The following CSMD1 variants were observed in gnomAD, a reference collection of about 807,000 sequenced individuals.
CSMD1 encodes the protein CUB and Sushi multiple domains 1, also known as CUB and sushi domain-containing protein 1.
Under a neutral mutation model 417.5 loss-of-function variants are expected in CSMD1, and 213 were observed. The ratio of observed to expected loss-of-function variants is 0.51; its 90% CI spans 0.46 to 0.57. The LOEUF (loss-of-function observed/expected upper bound fraction) is 0.57. Among genes scored for constraint, CSMD1 ranks in the 20% least tolerant of loss-of-function variants. The pLI, the probability that CSMD1 is intolerant of heterozygous loss-of-function variation, is 0.00. For synonymous variants in CSMD1, 2,862 were observed against 1,736.8 expected, an observed-to-expected ratio of 1.65 and a Z score of -16.11; for missense variants, 6,923 against 4,529.7, an observed-to-expected ratio of 1.53 and a Z score of -15.17.
intron 51 of CSMD1, among the ~76,000 whole-genome samples, chr8:3,019,581 A>G (rs1163003861): frequency 2.0e-5 from 3 of 152,182 alleles, no homozygotes; most frequent in Admixed American, 6.5e-5. Flanking sequence ...TACACAGGGC[A>G]TTTGGAGGCT....
chr8:4,283,216 A>C (rs986436477), intron 3 of CSMD1, among the ~76,000 whole-genome samples: 1 of 152,180 alleles, frequency 6.6e-6, no homozygotes, highest in South Asian at 2.1e-4. Context: ...TGATTTTTCT[A>C]AATTTAAAGT....
chr8:4,477,460 T>A (rs1027889907), intron 2 of CSMD1, among the ~76,000 whole-genome samples: 3 of 152,190 alleles, frequency 2.0e-5, no homozygotes, highest in Non-Finnish European at 4.4e-5. Context: ...ACACATGATT[T>A]TCAGATATTT....
intron 2 of CSMD1, among the ~76,000 whole-genome samples, chr8:4,569,662 T>A (rs1798788833): frequency 1.3e-5 from 2 of 152,200 alleles, no homozygotes; most frequent in African/African-American, 4.8e-5. Context: ...TTAGTTTTTT[T>A]CTAATTCTGT....
chr8:4,007,001 T>A (rs1171720065), intron 4 of CSMD1, among the ~76,000 whole-genome samples: 1 of 151,570 alleles, frequency 6.6e-6, no homozygotes, highest in Non-Finnish European at 1.5e-5. Context: ...CTAATTTTTG[T>A]GTGTATGTGT....
In CSMD1 at chr8:4,610,566, T is replaced by C. The variant is rs543555214; in HGVS notation, c.302+26776A>G. Reference sequence around the variant, plus strand: ...AGGTATCATGTTTGCCGTTTTGTCATACATATCCTTCCTCCCTGCTTTGGT... The same window carrying C: ...AGGTATCATGTTTGCCGTTTTGTCACACATATCCTTCCTCCCTGCTTTGGT... On this transcript the variant is annotated intron_variant, in intron 2 of 69. Transcript: ENST00000635120. Among the ~76,000 whole-genome samples, 5 of 152,300 alleles carry C rather than the reference T, an allele frequency of 3.3e-5. No homozygotes were observed. In the East Asian group the frequency reaches 7.7e-4, roughly 24 times the overall value.
At chr8:3,865,288 G>C (rs1324871649) in intron 5 of CSMD1, among the ~76,000 whole-genome samples, 1 of 152,184 alleles carries the variant, frequency 6.6e-6, no homozygotes, top group Admixed American at 6.5e-5. Context: ...ATCTCAGAGA[G>C]CGGTACTTCA....
chr8:4,936,714 A>G (rs1319752650), intron 1 of CSMD1, among the ~76,000 whole-genome samples: 2 of 152,244 alleles, frequency 1.3e-5, no homozygotes, highest in South Asian at 4.1e-4. Context: ...TTCATTAAAC[A>G]TCAATGTTAA....
At chr8:4,352,044 C>T (rs921912191) in intron 3 of CSMD1, among the ~76,000 whole-genome samples, 17 of 151,486 alleles carry the variant, frequency 1.1e-4, no homozygotes, top group African/African-American at 3.6e-4. Context: ...CATTGTGTCC[C>T]AGTGTGGTCT....
intron 1 of CSMD1, among the ~76,000 whole-genome samples, chr8:4,728,581 C>T (rs1204348401): frequency 2.0e-5 from 3 of 152,132 alleles, no homozygotes; most frequent in African/African-American, 7.2e-5. Flanking sequence ...AGCTCTGTTA[C>T]TGATACCATT....
intron 1 of CSMD1, among the ~76,000 whole-genome samples, chr8:4,941,197 T>C (rs1483203483): frequency 6.6e-6 from 1 of 152,188 alleles, no homozygotes; most frequent in Non-Finnish European, 1.5e-5. Flanking sequence ...TATTGTAACA[T>C]TCATTCTTGT....
Position 2,963,369 on chromosome 8 carries a change from C to T in CSMD1, c.9307G>A (p.Val3103Met). The T allele has an allele frequency of 1.2e-6, 2 of 1,613,926 alleles. No individual in the cohort carries two copies. Among genetic ancestry groups the T allele is most frequent in the South Asian group, 2.2e-5 (2 of 91,090 alleles). Reference sequence around the variant, plus strand: ...CTTCCCTCCACTGTTCCATTCTGCACCGGCGGCGGCTGAGGACACAGCACG... The same window carrying T: ...CTTCCCTCCACTGTTCCATTCTGCATCGGCGGCGGCTGAGGACACAGCACG... Reference protein sequence around the residue: ...KAVLCPQPPPVQNGTVEGSDF... With the variant: ...KAVLCPQPPPMQNGTVEGSDF... Residue 3103 changes from valine to methionine, a missense_variant, in exon 60 of 70, where the codon GTG becomes ATG. Coordinates refer to ENST00000635120, the MANE Select transcript of CSMD1 (RefSeq NM_033225.6).
intron 2 of CSMD1, among the ~76,000 whole-genome samples, chr8:4,543,037 G>T (rs1188849547): frequency 2.0e-5 from 3 of 152,094 alleles, no homozygotes; most frequent in Non-Finnish European, 2.9e-5. Context: ...GTAAAATGTA[G>T]CAGAAATAAG....
chr8:4,072,021 GT>G (rs1799584933), intron 3 of CSMD1, among the ~76,000 whole-genome samples: 1 of 152,138 alleles, frequency 6.6e-6, no homozygotes, highest in South Asian at 2.1e-4. Flanking sequence ...GGTTTTGCTG[GT>G]TCAGAAAGAA....
chr8:4,536,680 T>G (rs1311427376), intron 2 of CSMD1, among the ~76,000 whole-genome samples: 1 of 152,242 alleles, frequency 6.6e-6, no homozygotes, highest in East Asian at 1.9e-4. Context: ...ATTTATACTT[T>G]TATTTGTACT....
chr8:4,645,724 G>A (rs1325727535), intron 1 of CSMD1, among the ~76,000 whole-genome samples: 1 of 152,026 alleles, frequency 6.6e-6, no homozygotes, highest in East Asian at 1.9e-4. Flanking sequence ...TAGCTAGAGG[G>A]CCTCCTAATT....
Position 4,552,772 on chromosome 8 carries a change from G to C in CSMD1, c.302+84570C>G, listed in dbSNP as rs1423540568. On this transcript the variant is annotated intron_variant, in intron 2 of 69. Transcript: ENST00000635120. Reference sequence around the variant, plus strand: ...ATCGTTTGAACAGTCATCTCAGAAGGGTGGTAAAGTGCTTTACACACCTAA... The same window carrying C: ...ATCGTTTGAACAGTCATCTCAGAAGCGTGGTAAAGTGCTTTACACACCTAA... Among the ~76,000 whole-genome samples, 12 of 152,054 alleles carry C rather than the reference G, an allele frequency of 7.9e-5. 1 individual carries two copies. The highest frequency in any genetic ancestry group is 7.2e-4 in the Admixed American group (11 of 15,274).
intron 3 of CSMD1, among the ~76,000 whole-genome samples, chr8:4,045,402 T>C (rs2130660180): frequency 6.6e-6 from 1 of 152,234 alleles, no homozygotes; most frequent in African/African-American, 2.4e-5. Context: ...ACATTACCGA[T>C]CATCAATGAC....
intron 5 of CSMD1, among the ~76,000 whole-genome samples, chr8:3,784,960 A>G (rs1439392656): frequency 6.6e-6 from 1 of 152,228 alleles, no homozygotes; most frequent in Non-Finnish European, 1.5e-5. Flanking sequence ...TGTAGAATTT[A>G]ATTTTATCAT....
rs1276341515 is a variant in CSMD1, at chr8:4,925,223, T to TGTTTTGTTTTG, written c.85+69108_85+69109insCAAAACAAAAC. On this transcript the variant is annotated intron_variant, in intron 1 of 69. Transcript: ENST00000635120. ...TGAATACCAGTTTTATGGTTTTTTT[T>TGTTTTGTTTTG]TTTTTTTTTTTTTTTTTGCAGTGTG... is the stretch of plus-strand genomic sequence containing the variant. 9.7e-3 allele frequency among the ~76,000 whole-genome samples: 1,322 copies of TGTTTTGTTTTG among 135,640 alleles called. 29 individuals are homozygous for TGTTTTGTTTTG. The highest frequency in any genetic ancestry group is 0.034 in the African/African-American group (1,240 of 36,632). The allele number at this position is 135,640 out of a possible 152,430, so 89.0% of individuals were successfully genotyped here.
Sources: allele counts gnomAD v4.1 joint callset (sites outside exome capture counted in the v4.1 genomes callset), GRCh38; gene constraint gnomAD v4.1.1; transcripts MANE v1.5; gene names NCBI Gene and HGNC (gene_info 2026-07-23, HGNC 2026-07-21).